CDKAL1: variants seen among roughly 807,000 people sequenced by gnomAD.
CDKAL1 encodes threonylcarbamoyladenosine tRNA methylthiotransferase.
In CDKAL1, 32 loss-of-function variants were observed where a neutral mutation model predicts 68.2. The ratio of observed to expected loss-of-function variants is 0.47; its 90% CI spans 0.35 to 0.63. CDKAL1 has a LOEUF of 0.63. Ranked by LOEUF, CDKAL1 falls within the 30% of genes least tolerant of loss-of-function variation. The pLI is 0.00. For synonymous variants in CDKAL1, 234 were observed against 244.3 expected, an observed-to-expected ratio of 0.96 and a Z score of 0.39; for missense variants, 606 against 696.7, an observed-to-expected ratio of 0.87 and a Z score of 1.47.
At chr6:20,872,058 G>C (rs1760249419) in intron 9 of CDKAL1, among the ~76,000 whole-genome samples, 1 of 152,110 alleles carries the variant, frequency 6.6e-6, no homozygotes, top group Non-Finnish European at 1.5e-5. Context: ...AAGTTCCTTA[G>C]AGATTGTAGC....
At chr6:20,894,658 A>G (rs1761583431) in intron 9 of CDKAL1, among the ~76,000 whole-genome samples, 1 of 152,128 alleles carries the variant, frequency 6.6e-6, no homozygotes, top group South Asian at 2.1e-4. Context: ...TATAGAGATA[A>G]TGGTTAATTT....
At position 20,542,150 on chromosome 6, in the gene CDKAL1, G is replaced by A. The variant is rs923925873; in HGVS notation, c.-5-4196G>A. On this transcript the variant is annotated intron_variant, in intron 2 of 15. Coordinates refer to ENST00000274695, the MANE Select transcript of CDKAL1 (RefSeq NM_017774.3). ...ATAGCTGTAATGAATACATTACAGAGGAAAGGAGCCTGGCTGGCTGCCACT... is the reference window on the plus strand; with the variant it reads ...ATAGCTGTAATGAATACATTACAGAAGAAAGGAGCCTGGCTGGCTGCCACT... Among the ~76,000 whole-genome samples the A allele has an allele frequency of 2.6e-5, 4 of 152,222 alleles. No homozygotes were observed. In the East Asian group the frequency reaches 5.8e-4, roughly 22 times the overall value.
intron 4 of CDKAL1, among the ~76,000 whole-genome samples, chr6:20,621,562 A>G (rs1237469549): frequency 6.6e-6 from 1 of 152,138 alleles, no homozygotes; most frequent in East Asian, 1.9e-4. Context: ...ATTCTTCTAC[A>G]CAGGAGATTT....
At chr6:20,916,692 G>A (rs552125393) in intron 9 of CDKAL1, among the ~76,000 whole-genome samples, 4 of 152,196 alleles carry the variant, frequency 2.6e-5, no homozygotes, top group Admixed American at 6.5e-5. Context: ...ACTAAATGAG[G>A]ATCCATCACA....
intron 15 of CDKAL1, among the ~76,000 whole-genome samples, chr6:21,207,253 T>A (rs949689765): frequency 6.6e-6 from 1 of 151,944 alleles, no homozygotes; most frequent in African/African-American, 2.4e-5. Flanking sequence ...TGCAGCCTGA[T>A]GCAGTGGTTC....
At chr6:20,822,463 C>G (rs774564036) in intron 8 of CDKAL1, among the ~76,000 whole-genome samples, 1 of 152,124 alleles carries the variant, frequency 6.6e-6, no homozygotes, top group African/African-American at 2.4e-5. Context: ...GTCCAGACCT[C>G]GCGATACTTC....
chr6:20,806,968 C>T (rs1776597766), intron 8 of CDKAL1, among the ~76,000 whole-genome samples: 1 of 152,138 alleles, frequency 6.6e-6, no homozygotes, highest in Non-Finnish European at 1.5e-5. Flanking sequence ...GTGTTTAAAG[C>T]ATATGTTCAT....
intron 10 of CDKAL1, among the ~76,000 whole-genome samples, chr6:20,980,144 TATAAA>T (rs1234097265): frequency 6.6e-6 from 1 of 151,992 alleles, no homozygotes; most frequent in East Asian, 1.9e-4. Context: ...AAAATATATG[TATAAA>T]ATAAAATACA....
At chr6:21,052,332 G>T (rs1770584115) in intron 11 of CDKAL1, among the ~76,000 whole-genome samples, 1 of 151,610 alleles carries the variant, frequency 6.6e-6, no homozygotes, top group Non-Finnish European at 1.5e-5. Context: ...CTTTTATTTT[G>T]CTGTTTGTCC....
chr6:21,174,217 C>T (rs917821784), intron 13 of CDKAL1, among the ~76,000 whole-genome samples: 2 of 152,076 alleles, frequency 1.3e-5, no homozygotes, highest in African/African-American at 2.4e-5. Flanking sequence ...TGTTGTAAGA[C>T]CTTTATGATG....
intron 11 of CDKAL1, among the ~76,000 whole-genome samples, chr6:21,035,611 T>G (rs1399557665): frequency 6.6e-6 from 1 of 152,110 alleles, no homozygotes; most frequent in Non-Finnish European, 1.5e-5. Context: ...TACAGTACAA[T>G]TTTAAAAATA....
At chr6:20,734,978 C>T (rs62397658) in intron 5 of CDKAL1, among the ~76,000 whole-genome samples, 8,962 of 150,330 alleles carry the variant, frequency 0.06, 310 homozygotes, top group African/African-American at 0.11. Flanking sequence ...CAAGCAATTC[C>T]CTGCCTCAGC....
At chr6:20,761,877 A>T (rs1401103934) in intron 7 of CDKAL1, among the ~76,000 whole-genome samples, 1 of 152,174 alleles carries the variant, frequency 6.6e-6, no homozygotes, top group Non-Finnish European at 1.5e-5. Context: ...AATCCTTAGA[A>T]TGAACAACAC....
At position 21,231,387 on chromosome 6, in the gene CDKAL1, C is replaced by A; in HGVS notation, c.*348C>A. On this transcript the variant is annotated 3_prime_UTR_variant, in exon 16 of 16. Transcript: ENST00000274695. ...GTACAGTGGCTCTGGCCATCTTTTC[C>A]TCATGTGGAAGAATTTTCTATCTTT... The A allele has an allele frequency of 5.5e-6, 1 of 180,328 alleles. No homozygotes were observed. The highest frequency in any genetic ancestry group is 1.4e-4 in the East Asian group (1 of 7,212). The allele number at this position is 180,328 out of a possible 1,614,324, so 11.2% of individuals were successfully genotyped here.
At chr6:20,770,591 A>G (rs1774899930) in intron 7 of CDKAL1, among the ~76,000 whole-genome samples, 1 of 152,228 alleles carries the variant, frequency 6.6e-6, no homozygotes, top group African/African-American at 2.4e-5. Flanking sequence ...TTAAATTTTA[A>G]GACGATGTTT....
At position 21,151,467 on chromosome 6, in the gene CDKAL1, C is replaced by T. The variant is rs574107509; in HGVS notation, c.1299+43004C>T. Among the ~76,000 whole-genome samples, 78 of 152,280 alleles carry T rather than the reference C, an allele frequency of 5.1e-4. No individual in the cohort carries two copies. In the South Asian group the frequency reaches 0.01, roughly 20 times the overall value. Reference sequence around the variant, plus strand: ...TCTGTGTTCAGCCAAAGCCCTGTGACCTGTTTTGTTCATTGAACCTTGAGG... The same window carrying T: ...TCTGTGTTCAGCCAAAGCCCTGTGATCTGTTTTGTTCATTGAACCTTGAGG... On this transcript the variant is annotated intron_variant, in intron 13 of 15. Coordinates refer to ENST00000274695, the MANE Select transcript of CDKAL1 (RefSeq NM_017774.3).
intron 8 of CDKAL1, among the ~76,000 whole-genome samples, chr6:20,844,702 A>G (rs1778307752): frequency 1.1e-5 from 1 of 95,216 alleles, no homozygotes; most frequent in South Asian, 3.4e-4. Context: ...AAAAAAAGAA[A>G]CAGAAAAACA....
At chr6:21,205,653 CCCGAGTAG>C (rs1778882684) in intron 15 of CDKAL1, among the ~76,000 whole-genome samples, 2 of 150,742 alleles carry the variant, frequency 1.3e-5, no homozygotes, top group Non-Finnish European at 2.9e-5. Context: ...GCCGCAGCCT[CCCGAGTAG>C]CTGGGACCAC....
intron 11 of CDKAL1, among the ~76,000 whole-genome samples, chr6:21,015,327 T>C (rs1190710288): frequency 6.6e-6 from 1 of 152,236 alleles, no homozygotes; most frequent in African/African-American, 2.4e-5. Context: ...TAAACAGATT[T>C]CTTTTTCCTC....
Sources: gnomAD v4.1 joint callset for allele counts (sites outside exome capture counted in the v4.1 genomes callset) on GRCh38, gnomAD v4.1.1 for gene constraint, MANE v1.5 for transcripts, NCBI Gene and HGNC (gene_info 2026-07-23, HGNC 2026-07-21) for gene names.